The following CACNA1B variants were observed in gnomAD, a reference collection of about 807,000 sequenced individuals.
CACNA1B encodes the protein voltage-dependent N-type calcium channel subunit alpha-1B.
Under a neutral mutation model 247.2 loss-of-function variants are expected in CACNA1B, and 70 were observed. The ratio of observed to expected loss-of-function variants is 0.28; its 90% CI spans 0.23 to 0.35. CACNA1B has a LOEUF of 0.35. Ranked by LOEUF, CACNA1B falls within the 10% of genes least tolerant of loss-of-function variation. CACNA1B has a pLI of 1.00. For missense variants in CACNA1B, 2,367 were observed against 3,197.4 expected, an observed-to-expected ratio of 0.74 and a Z score of 6.26; for synonymous variants, 1,231 against 1,294.4, an observed-to-expected ratio of 0.95 and a Z score of 1.05.
At chr9:138,061,620 C>T (rs1959727823) in intron 31 of CACNA1B, among the ~76,000 whole-genome samples, 1 of 152,206 alleles carries the variant, frequency 6.6e-6, no homozygotes, top group Admixed American at 6.5e-5. Context: ...GGCTCACATG[C>T]ATCCCCTGCG....
chr9:137,986,294 C>A lies in CACNA1B; in HGVS notation c.1770-119C>A. ...TCCAGAGAAAAGCTCTAACTTCACA[C>A]CTAGGTGTGCAGCCCTCAGGGTTTA... is the stretch of plus-strand genomic sequence containing the variant. On this transcript the variant is annotated intron_variant, in intron 13 of 46. Coordinates refer to ENST00000371372, the MANE Select transcript of CACNA1B (RefSeq NM_000718.4). The surrounding 1 kb of genome is among the most constrained non-coding windows in gnomAD (Gnocchi z 6.0). 1 of 1,106,570 alleles carries A rather than the reference C, an allele frequency of 9.0e-7. No homozygotes were observed. The highest frequency in any genetic ancestry group is 1.3e-6 in the Non-Finnish European group (1 of 772,036). The allele number at this position is 1,106,570 out of a possible 1,614,324, so 68.5% of individuals were successfully genotyped here.
chr9:137,966,477 T>C (rs1023022141), intron 10 of CACNA1B, among the ~76,000 whole-genome samples: 2 of 151,984 alleles, frequency 1.3e-5, no homozygotes, highest in African/African-American at 4.8e-5. Flanking sequence ...TCTGCCTGCC[T>C]CAGCCTCTGA....
chr9:137,962,334 C>T (rs1184096769), intron 10 of CACNA1B, among the ~76,000 whole-genome samples: 3 of 142,130 alleles, frequency 2.1e-5, no homozygotes, highest in African/African-American at 8.0e-5. Flanking sequence ...TTTCAAAAAA[C>T]TAGCTCCTGT....
At chr9:137,936,074 G>A (rs529457610) in intron 6 of CACNA1B, among the ~76,000 whole-genome samples, 2 of 152,194 alleles carry the variant, frequency 1.3e-5, no homozygotes, top group African/African-American at 4.8e-5. Flanking sequence ...AGCCAGGATG[G>A]TCTTGATCTC....
Position 137,888,475 on chromosome 9 carries a change from G to A in CACNA1B, c.530+5592G>A, listed in dbSNP as rs1194044867. ...AGCCCTGCGCGTCCCCACCCCTGTT[G>A]TGGCTCCAGCCTGGTGCTACCCTCC... On this transcript the variant is annotated intron_variant, in intron 3 of 46. Transcript: ENST00000371372. The surrounding 1 kb of genome is among the most constrained non-coding windows in gnomAD (Gnocchi z 4.7). Among the ~76,000 whole-genome samples the A allele has an allele frequency of 6.6e-6, 1 of 152,228 alleles. No homozygotes were observed. Among genetic ancestry groups the A allele is most frequent in the Non-Finnish European group, 1.5e-5 (1 of 68,034 alleles).
chr9:138,046,984 T>G lies in CACNA1B; in HGVS notation c.3494T>G (p.Ile1165Ser), dbSNP rs575454337. The change falls in exon 22 of 47, where the codon ATC (isoleucine) becomes AGC (serine). Residue 1165 changes from isoleucine (I) to serine (S), a missense_variant. This residue lies in a region of CACNA1B where 436 missense variants were observed against 679.5 expected (regional missense o/e 0.64). Transcript: ENST00000371372. Reference protein sequence around the residue: ...VILVVIALSSIALAAEDPVRT... With the variant: ...VILVVIALSSSALAAEDPVRT... ...CTCGTGGTCATCGCCTTGAGCAGCATCGCCCTGGCTGCTGAGGACCCAGTG... is the reference window on the plus strand; with the variant it reads ...CTCGTGGTCATCGCCTTGAGCAGCAGCGCCCTGGCTGCTGAGGACCCAGTG... The G allele has an allele frequency of 1.9e-6, 3 of 1,613,386 alleles. No individual in the cohort carries two copies. The South Asian group carries it at 3.3e-5, about 18-fold the overall frequency.
intron 32 of CACNA1B, among the ~76,000 whole-genome samples, chr9:138,070,955 G>A (rs763218826): frequency 8.5e-5 from 13 of 152,258 alleles, no homozygotes; most frequent in Admixed American, 1.3e-4. Context: ...CCCACAGATC[G>A]GGGTGGGGTG....
intron 3 of CACNA1B, among the ~76,000 whole-genome samples, chr9:137,905,368 AC>A (rs1957287329): frequency 6.6e-6 from 1 of 151,960 alleles, no homozygotes; most frequent in African/African-American, 2.4e-5. Flanking sequence ...AAAAAAAAAA[AC>A]TTTTAGATTC....
chr9:138,049,457 C>G, intron 24 of CACNA1B, 142 bp downstream of exon 24: 5 of 678,352 alleles, frequency 7.4e-6, no homozygotes, highest in Non-Finnish European at 1.3e-5. Flanking sequence ...GGGACTGTCC[C>G]TGCCTGCTTG....
chr9:138,073,875 T>A lies in CACNA1B; in HGVS notation c.4792-126T>A. 1 of 749,152 alleles carries A rather than the reference T, an allele frequency of 1.3e-6. No individual in the cohort carries two copies. The highest frequency in any genetic ancestry group is 2.3e-6 in the Non-Finnish European group (1 of 430,326). 46.4% of individuals were successfully genotyped at this position (749,152 alleles called of 1,614,324 possible). On this transcript the variant is annotated intron_variant, in intron 33 of 46. Transcript: ENST00000371372. This position sits in a 1 kb window ranked among gnomAD's most constrained non-coding sequence, Gnocchi z 6.4. Reference sequence around the variant, plus strand: ...GGCATCACTTGGTGGAGGGGCTTGGTGGCCAGTGGGATGGAGCTTGAGTAG... The same window carrying A: ...GGCATCACTTGGTGGAGGGGCTTGGAGGCCAGTGGGATGGAGCTTGAGTAG...
intron 36 of CACNA1B, among the ~76,000 whole-genome samples, chr9:138,085,518 A>G (rs1217567603): frequency 1.3e-5 from 2 of 151,250 alleles, no homozygotes; most frequent in Admixed American, 6.6e-5. Context: ...GTGGACATCC[A>G]AATCCAAGAA....
chr9:137,918,662 C>T (rs1589005432), intron 6 of CACNA1B, among the ~76,000 whole-genome samples: 1 of 152,166 alleles, frequency 6.6e-6, no homozygotes. Context: ...TGATGGTGGA[C>T]AGGTCCTGGG....
chr9:138,111,354 A>G (rs113575360), intron 39 of CACNA1B, among the ~76,000 whole-genome samples: 4,279 of 152,380 alleles, frequency 0.028, 111 homozygotes, highest in African/African-American at 0.071. Flanking sequence ...GGCAATGTGT[A>G]TGACTCTCAC....
In CACNA1B at chr9:138,050,016, G is replaced by T. The variant is rs1959224542; in HGVS notation, c.3710+701G>T. On this transcript the variant is annotated intron_variant, in intron 24 of 46. Coordinates refer to ENST00000371372, the MANE Select transcript of CACNA1B (RefSeq NM_000718.4). This position sits in a 1 kb window ranked among gnomAD's most constrained non-coding sequence, Gnocchi z 5.2. ...CCACATCTCTCTGAGCGGCTGGGAG[G>T]GCTGCTCCTGGTGCCACTGACTCTG... 8.0e-7 allele frequency: 1 copy of T among 1,253,114 alleles called. No homozygotes were observed. The highest frequency in any genetic ancestry group is 1.0e-6 in the Non-Finnish European group (1 of 955,474). The allele number at this position is 1,253,114 out of a possible 1,614,324, so 77.6% of individuals were successfully genotyped here. A position where few individuals can be genotyped will look rare whatever the true frequency, so the allele number is the denominator to read the frequency against.
intron 11 of CACNA1B, among the ~76,000 whole-genome samples, chr9:137,975,069 C>T (rs568757512): frequency 3.3e-5 from 5 of 152,258 alleles, no homozygotes; most frequent in Admixed American, 6.5e-5. Flanking sequence ...GGAGCCACGG[C>T]GTTCTTCTGT....
intron 20 of CACNA1B, among the ~76,000 whole-genome samples, chr9:138,027,861 A>C (rs957574775): frequency 6.6e-6 from 1 of 152,066 alleles, no homozygotes; most frequent in Non-Finnish European, 1.5e-5. Context: ...TTTTGGATTG[A>C]TATTTTTAAG....
chr9:137,936,917 G>A (rs1216738104), intron 6 of CACNA1B, among the ~76,000 whole-genome samples: 1 of 152,198 alleles, frequency 6.6e-6, no homozygotes. Context: ...GTAGCGTGAC[G>A]CTTCCAGCTT....
At chr9:138,015,086 A>C (rs1403360937) in intron 18 of CACNA1B, among the ~76,000 whole-genome samples, 2 of 152,032 alleles carry the variant, frequency 1.3e-5, no homozygotes, top group Non-Finnish European at 2.9e-5. Flanking sequence ...GTTCTGCCTC[A>C]CGGTGGGTCT....
chr9:138,081,382 G>A (rs1960519054), intron 36 of CACNA1B, among the ~76,000 whole-genome samples: 1 of 152,208 alleles, frequency 6.6e-6, no homozygotes, highest in African/African-American at 2.4e-5. Flanking sequence ...TACTGAAACT[G>A]TAATCCTAAT....
Sources: gnomAD v4.1 joint callset for allele counts (sites outside exome capture counted in the v4.1 genomes callset) on GRCh38, gnomAD v4.1.1 for gene constraint, gnomAD v4.1.1 regional missense constraint, Gnocchi (gnomAD v3.1) non-coding constraint, MANE v1.5 for transcripts, NCBI Gene and HGNC (gene_info 2026-07-23, HGNC 2026-07-21) for gene names.